UNC80: variants seen among roughly 807,000 people sequenced by gnomAD.
UNC80 encodes the protein unc-80 subunit of NALCN channel complex.
Under a neutral mutation model 384.6 loss-of-function variants are expected in UNC80, and 164 were observed. The ratio of observed to expected loss-of-function variants is 0.43; its 90% CI spans 0.38 to 0.49. The LOEUF is 0.49. Ranked by LOEUF, UNC80 falls within the 20% of genes least tolerant of loss-of-function variation. UNC80 has a pLI of 0.00. For missense variants in UNC80, 3,330 were observed against 4,143.0 expected, an observed-to-expected ratio of 0.80 and a Z score of 5.39; for synonymous variants, 1,486 against 1,527.8, an observed-to-expected ratio of 0.97 and a Z score of 0.64.
chr2:209,978,067 A>C (rs1447726421), intron 58 of UNC80, among the ~76,000 whole-genome samples: 4 of 152,160 alleles, frequency 2.6e-5, no homozygotes, highest in African/African-American at 9.7e-5. Context: ...ATAGGTTGTA[A>C]TTTCCAGAAA....
At position 209,999,117 on chromosome 2, in the gene UNC80, T is replaced by C. The variant is rs1222286146; in HGVS notation, c.*3522T>C. On this transcript the variant is annotated 3_prime_UTR_variant, in exon 65 of 65. Coordinates refer to ENST00000673920, the MANE Select transcript of UNC80 (RefSeq NM_001371986.1). ...TTATAGGTTAAAACAAAAAATTGAC[T>C]ACACAGCCGACTTCCCTCAGATAAC... 6.6e-6 allele frequency: 1 copy of C among 152,182 alleles called. No individual in the cohort carries two copies. Among genetic ancestry groups the C allele is most frequent in the Non-Finnish European group, 1.5e-5 (1 of 68,016 alleles). 9.4% of individuals were successfully genotyped at this position (152,182 alleles called of 1,614,324 possible).
intron 7 of UNC80, chr2:209,795,776 T>A (rs965537760): frequency 1.2e-4 from 19 of 152,238 alleles, no homozygotes; most frequent in African/African-American, 4.3e-4. Context: ...AAGTCAAGAA[T>A]TGAGGTTTGG....
rs190297579 is a variant in UNC80 at position 209,882,048 on chromosome 2, G to A, written c.4110+954G>A. Among the ~76,000 whole-genome samples the A allele has an allele frequency of 3.4e-5, 5 of 148,372 alleles. No individual in the cohort carries two copies. In the East Asian group the frequency reaches 9.9e-4, roughly 29 times the overall value. ...ATGGCGCGATCTCTGCTCACTGCAAGCTCTGCCTTCCCAGTTCACACCATT... is the reference window on the plus strand; with the variant it reads ...ATGGCGCGATCTCTGCTCACTGCAAACTCTGCCTTCCCAGTTCACACCATT... On this transcript the variant is annotated intron_variant, in intron 25 of 64. Coordinates refer to ENST00000673920, the MANE Select transcript of UNC80 (RefSeq NM_001371986.1).
intron 21 of UNC80, among the ~76,000 whole-genome samples, chr2:209,848,512 T>G (rs1468841299): frequency 6.6e-6 from 1 of 152,112 alleles, no homozygotes; most frequent in Non-Finnish European, 1.5e-5. Flanking sequence ...TGCAAAATAT[T>G]CATCACACTT....
rs2093029496 is a variant in UNC80, at chr2:209,976,952, G to A, written c.8812G>A (p.Ala2938Thr). 4.6e-6 allele frequency: 7 copies of A among 1,528,536 alleles called. No individual in the cohort carries two copies. The Admixed American group carries it at 5.9e-5, about 13-fold the overall frequency. 94.7% of individuals were successfully genotyped at this position (1,528,536 alleles called of 1,614,324 possible). The change falls in exon 58 of 65, where the codon GCC (alanine) becomes ACC (threonine). Residue 2938 changes from alanine (A) to threonine (T), a missense_variant. Physicochemically the swap from Ala to Thr is moderately conservative, Grantham distance 58. This residue lies in a region of UNC80 where 216 missense variants were observed against 245.3 expected (regional missense o/e 0.88). Transcript: ENST00000673920. The surrounding 1 kb of genome is among the most constrained non-coding windows in gnomAD (Gnocchi z 4.3). ...AGCAGAGAATCATGAAGAGCTTTCC[G>A]CCCGGCAACATATTGCCGACCAGCT... ...QPAENHEELS[A>T]RQHIADQLER...
chr2:209,890,936 T>C (rs2086268863), intron 26 of UNC80, among the ~76,000 whole-genome samples: 1 of 152,228 alleles, frequency 6.6e-6, no homozygotes, highest in African/African-American at 2.4e-5. Flanking sequence ...CTTCACTATT[T>C]GATTTTGCCA....
At chr2:209,902,936 T>G (rs979124544) in intron 28 of UNC80, among the ~76,000 whole-genome samples, 29 of 150,216 alleles carry the variant, frequency 1.9e-4, no homozygotes, top group African/African-American at 6.4e-4. Flanking sequence ...TGTGTGTGTG[T>G]GTGTGTGTAC....
chr2:209,791,592 G>A (rs537558986), intron 6 of UNC80, among the ~76,000 whole-genome samples: 12 of 151,834 alleles, frequency 7.9e-5, no homozygotes, highest in South Asian at 4.2e-4. Flanking sequence ...AGGCTGAGGC[G>A]GGCAGATCAC....
chr2:209,794,114 GT>G (rs2078007979), intron 7 of UNC80, among the ~76,000 whole-genome samples: 1 of 152,190 alleles, frequency 6.6e-6, no homozygotes, highest in Admixed American at 6.5e-5. Flanking sequence ...TACTTAAAAT[GT>G]TTAAGTGCAG....
chr2:209,788,606 AATAAATATATAAATTT>A (rs1411604211), intron 5 of UNC80, among the ~76,000 whole-genome samples: 1 of 147,842 alleles, frequency 6.8e-6, no homozygotes, highest in Non-Finnish European at 1.5e-5. Flanking sequence ...ATAAAAGTAA[AATAAATATATAAATTT>A]ATAAATATAT....
At position 209,831,421 on chromosome 2, in the gene UNC80, A is replaced by G. The variant is rs2080959778; in HGVS notation, c.2627-22A>G. The G allele has an allele frequency of 2.6e-6, 4 of 1,537,426 alleles. No homozygotes were observed. In the East Asian group the frequency reaches 9.8e-5, roughly 38 times the overall value. On this transcript the variant is annotated intron_variant, in intron 15 of 64. Coordinates refer to ENST00000673920, the MANE Select transcript of UNC80 (RefSeq NM_001371986.1). The stretch of plus-strand genomic sequence containing the variant: ...GTAGCTTAAAGGAAACATTGTCTTT[A>G]ATTTGTGCCTTTGCATTCCAGACAA...
chr2:209,863,424 G>C (rs183112436), intron 22 of UNC80, among the ~76,000 whole-genome samples: 1 of 152,158 alleles, frequency 6.6e-6, no homozygotes, highest in South Asian at 2.1e-4. Flanking sequence ...ATCCGGAAGT[G>C]TGTTTTCCAG....
intron 2 of UNC80, among the ~76,000 whole-genome samples, chr2:209,775,363 T>C (rs1270141711): frequency 6.6e-6 from 1 of 152,164 alleles, no homozygotes; most frequent in Non-Finnish European, 1.5e-5. Flanking sequence ...AGGCATTAGG[T>C]AGAGAGTGTT....
At chr2:209,944,211 T>A (rs1371154733) in intron 45 of UNC80, among the ~76,000 whole-genome samples, 1 of 152,224 alleles carries the variant, frequency 6.6e-6, no homozygotes, top group Admixed American at 6.5e-5. Flanking sequence ...GTTTTTTAAA[T>A]ATTCAATTCA....
At chr2:209,802,734 G>A (rs1253494419) in intron 7 of UNC80, among the ~76,000 whole-genome samples, 1 of 152,044 alleles carries the variant, frequency 6.6e-6, no homozygotes, top group East Asian at 1.9e-4. Context: ...GAAAACCCAG[G>A]CACAAGTTAG....
intron 26 of UNC80, 89 bp downstream of exon 26, chr2:209,888,349 A>G (rs2086020669): frequency 7.3e-7 from 1 of 1,371,406 alleles, no homozygotes; most frequent in South Asian, 1.4e-5. Flanking sequence ...AAAATTGTGT[A>G]CCCAAATTGT....
intron 47 of UNC80, 61 bp downstream of exon 47, chr2:209,946,004 T>G (rs1313839545): frequency 8.6e-6 from 10 of 1,163,136 alleles, no homozygotes; most frequent in Non-Finnish European, 1.1e-5. Flanking sequence ...AAAATAAAAT[T>G]GAATGAATAC....
chr2:209,826,093 C>T (rs2080497997), intron 14 of UNC80, 40 bp downstream of exon 14: 1 of 1,521,806 alleles, frequency 6.6e-7, no homozygotes, highest in East Asian at 2.5e-5. Context: ...TCTCCCTCTT[C>T]CTTCCCTTCT....
chr2:209,862,240 G>T (rs2083393788), intron 22 of UNC80, among the ~76,000 whole-genome samples: 1 of 152,094 alleles, frequency 6.6e-6, no homozygotes. Flanking sequence ...TTGTCTCTTT[G>T]TTCTCATTGG....
Sources: gnomAD v4.1 joint callset for allele counts (sites outside exome capture counted in the v4.1 genomes callset) on GRCh38, gnomAD v4.1.1 for gene constraint, gnomAD v4.1.1 regional missense constraint, Gnocchi (gnomAD v3.1) non-coding constraint, MANE v1.5 for transcripts, NCBI Gene and HGNC (gene_info 2026-07-23, HGNC 2026-07-21) for gene names.